MBD5: variants seen among roughly 807,000 people sequenced by gnomAD.
MBD5 encodes the protein methyl-CpG-binding domain protein 5.
A neutral mutation model predicts 117.3 loss-of-function variants in MBD5; 13 were observed. The observed-to-expected ratio is 0.11, with a 90% CI of 0.07 to 0.18. The LOEUF (loss-of-function observed/expected upper bound fraction) is 0.18, where lower values mean the gene tolerates loss of function less well. Ranked by LOEUF, MBD5 falls within the 10% of genes least tolerant of loss-of-function variation. MBD5 has a pLI of 1.00. For missense variants in MBD5, 1,879 were observed against 2,093.8 expected, an observed-to-expected ratio of 0.90 and a Z score of 2.00; for synonymous variants, 727 against 766.4, an observed-to-expected ratio of 0.95 and a Z score of 0.85.
At chr2:148,252,466 G>GA (rs994405557) in intron 3 of MBD5, among the ~76,000 whole-genome samples, 9 of 149,644 alleles carry the variant, frequency 6.0e-5, no homozygotes, top group Non-Finnish European at 1.0e-4. Context: ...GTCTCAAAAG[G>GA]AAAAAAAGAA....
At chr2:148,284,719 TTTTC>T (rs915791546) in intron 3 of MBD5, among the ~76,000 whole-genome samples, 124 of 151,956 alleles carry the variant, frequency 8.2e-4, no homozygotes, top group Middle Eastern at 6.8e-3. Flanking sequence ...CACTTGCTTT[TTTTC>T]TTTCTTTTTT....
intron 3 of MBD5, among the ~76,000 whole-genome samples, chr2:148,317,991 G>A (rs1034942669): frequency 1.6e-4 from 24 of 152,224 alleles, no homozygotes; most frequent in African/African-American, 5.8e-4. Flanking sequence ...TTGCTAGGTT[G>A]AATTGTAGTT....
chr2:148,139,372 A>G (rs1022107808), intron 1 of MBD5, among the ~76,000 whole-genome samples: 1 of 151,946 alleles, frequency 6.6e-6, no homozygotes, highest in African/African-American at 2.4e-5. Context: ...ACGCCCAGCT[A>G]ATTTTGTATT....
chr2:148,301,198 G>A (rs1194531218), intron 3 of MBD5, among the ~76,000 whole-genome samples: 1 of 152,170 alleles, frequency 6.6e-6, no homozygotes, highest in Non-Finnish European at 1.5e-5. Context: ...AAGAAGGAAA[G>A]AAAACACATT....
intron 1 of MBD5, among the ~76,000 whole-genome samples, chr2:148,172,989 T>C (rs1400321329): frequency 6.6e-6 from 1 of 152,184 alleles, no homozygotes; most frequent in East Asian, 1.9e-4. Context: ...GCTGCTCTGT[T>C]GCTCAGTGAA....
At chr2:148,365,082 T>C (rs1198081794) in intron 4 of MBD5, among the ~76,000 whole-genome samples, 1 of 152,142 alleles carries the variant, frequency 6.6e-6, no homozygotes, top group Non-Finnish European at 1.5e-5. Flanking sequence ...GACCACATAA[T>C]TGAAAGTAAA....
intron 4 of MBD5, among the ~76,000 whole-genome samples, chr2:148,380,335 T>C (rs1452584143): frequency 6.6e-6 from 1 of 152,178 alleles, no homozygotes; most frequent in Admixed American, 6.5e-5. Flanking sequence ...GAATATACAT[T>C]CTTTTCAACT....
intron 4 of MBD5, among the ~76,000 whole-genome samples, chr2:148,403,497 G>A (rs116041717): frequency 0.023 from 3,434 of 152,076 alleles, 153 homozygotes; most frequent in African/African-American, 0.076. Context: ...CTGTATTAAT[G>A]TTCTTGTTGC....
intron 3 of MBD5, among the ~76,000 whole-genome samples, chr2:148,236,435 G>A (rs1468468510): frequency 6.6e-6 from 1 of 152,136 alleles, no homozygotes; most frequent in Non-Finnish European, 1.5e-5. Flanking sequence ...GGAATGTTAT[G>A]TTGACAAGCA....
chr2:148,417,564 C>G (rs539475546), intron 4 of MBD5, among the ~76,000 whole-genome samples: 41 of 152,252 alleles, frequency 2.7e-4, no homozygotes, highest in African/African-American at 9.6e-4. Flanking sequence ...TACTAATTTG[C>G]ATTCCCACTA....
chr2:148,048,824 G>C (rs1694614490), intron 1 of MBD5, among the ~76,000 whole-genome samples: 1 of 152,144 alleles, frequency 6.6e-6, no homozygotes, highest in African/African-American at 2.4e-5. Context: ...TTGCTCCCTT[G>C]AGAAAAGAAG....
intron 4 of MBD5, among the ~76,000 whole-genome samples, chr2:148,389,251 CAT>C (rs70995314): frequency 0.011 from 350 of 32,018 alleles, 2 homozygotes; most frequent in Non-Finnish European, 0.017. Context: ...GAAAAAAAAA[CAT>C]ATATATATAT....
At chr2:148,487,722 T>C (rs943269389) in intron 10 of MBD5, among the ~76,000 whole-genome samples, 4 of 151,966 alleles carry the variant, frequency 2.6e-5, no homozygotes, top group African/African-American at 7.3e-5. Flanking sequence ...ATTAAAGAAG[T>C]AGATTTTAGC....
At chr2:148,201,662 G>A (rs914049247) in intron 2 of MBD5, among the ~76,000 whole-genome samples, 2 of 152,112 alleles carry the variant, frequency 1.3e-5, no homozygotes, top group Non-Finnish European at 2.9e-5. Flanking sequence ...AGGTTATGCT[G>A]ACAATCAAAG....
chr2:148,256,323 G>A (rs1012622585), intron 3 of MBD5, among the ~76,000 whole-genome samples: 8 of 152,196 alleles, frequency 5.3e-5, no homozygotes, highest in Non-Finnish European at 1.2e-4. Context: ...TGTAGGTGCC[G>A]ACTCTAACCA....
chr2:148,111,677 A>G (rs1276692073), intron 1 of MBD5, among the ~76,000 whole-genome samples: 2 of 152,134 alleles, frequency 1.3e-5, no homozygotes, highest in Admixed American at 6.5e-5. Flanking sequence ...CTACTGAAGT[A>G]TATATTTTCA....
intron 11 of MBD5, among the ~76,000 whole-genome samples, chr2:148,499,043 A>G (rs1681792751): frequency 6.6e-6 from 1 of 152,198 alleles, no homozygotes; most frequent in Non-Finnish European, 1.5e-5. Flanking sequence ...CTTTAATCCT[A>G]GCACTTTTGG....
intron 2 of MBD5, among the ~76,000 whole-genome samples, chr2:148,226,594 G>A (rs1699827450): frequency 1.3e-5 from 2 of 152,104 alleles, no homozygotes; most frequent in Non-Finnish European, 1.5e-5. Context: ...TGTCTTTATA[G>A]CAGCATGATT....
chr2:148,465,959 TC>T (rs1707247958), intron 7 of MBD5, among the ~76,000 whole-genome samples: 1 of 152,144 alleles, frequency 6.6e-6, no homozygotes. Flanking sequence ...CACTTCTTTG[TC>T]ATACCTATAC....
Sources: allele counts gnomAD v4.1 joint callset (sites outside exome capture counted in the v4.1 genomes callset), GRCh38; gene constraint gnomAD v4.1.1; transcripts MANE v1.5; gene names NCBI Gene and HGNC (gene_info 2026-07-23, HGNC 2026-07-21).